ST14: variants seen among roughly 807,000 people sequenced by gnomAD.
ST14 encodes the protein ST14 transmembrane serine protease matriptase, also known as suppressor of tumorigenicity 14 protein.
ST14 carries 40 observed loss-of-function variants against 96.5 expected under a neutral mutation model. The observed-to-expected ratio is 0.41, with a 90% CI of 0.32 to 0.54. The LOEUF (loss-of-function observed/expected upper bound fraction) is 0.54. Ranked by LOEUF, ST14 falls within the 20% of genes least tolerant of loss-of-function variation. The pLI, the probability that ST14 is intolerant of heterozygous loss-of-function variation, is 0.17. For missense variants in ST14, 1,066 were observed against 1,188.9 expected, an observed-to-expected ratio of 0.90 and a Z score of 1.52; for synonymous variants, 506 against 492.1, an observed-to-expected ratio of 1.03 and a Z score of -0.37.
At chr11:130,168,402 G>T (rs1337497841) in intron 1 of ST14, among the ~76,000 whole-genome samples, 1 of 152,194 alleles carries the variant, frequency 6.6e-6, no homozygotes, top group Admixed American at 6.5e-5. Context: ...TGTTTAGCCA[G>T]AGGAGGTGCA....
At chr11:130,192,398 T>C (rs1490080942) in intron 7 of ST14, among the ~76,000 whole-genome samples, 2 of 152,220 alleles carry the variant, frequency 1.3e-5, no homozygotes, top group African/African-American at 2.4e-5. Context: ...CTGTTAATTC[T>C]TTTTCTTTGA....
chr11:130,172,686 G>A lies in ST14; in HGVS notation c.81+12626G>A, dbSNP rs1953103778. ...CCCGCCTCAGCCTCCCAAAGTGCTG[G>A]GACTACAGGCGTGAACCACCGCGCC... On this transcript the variant is annotated intron_variant, in intron 1 of 18. Coordinates refer to ENST00000278742, the MANE Select transcript of ST14 (RefSeq NM_021978.4). 2.0e-5 allele frequency among the ~76,000 whole-genome samples: 3 copies of A among 152,016 alleles called. No individual in the cohort carries two copies. In the South Asian group the frequency reaches 6.2e-4, roughly 32 times the overall value.
intron 16 of ST14, among the ~76,000 whole-genome samples, chr11:130,203,012 G>A (rs1326861519): frequency 6.6e-6 from 1 of 152,196 alleles, no homozygotes; most frequent in Admixed American, 6.5e-5. Flanking sequence ...GCTGGTAGAC[G>A]TGCATGCCTT....
chr11:130,172,858 G>A (rs1008452451), intron 1 of ST14, among the ~76,000 whole-genome samples: 3 of 152,184 alleles, frequency 2.0e-5, no homozygotes, highest in Non-Finnish European at 2.9e-5. Context: ...AACATAAGAT[G>A]AGGTCTTTTT....
chr11:130,202,009 C>G (rs1953434108), intron 16 of ST14, among the ~76,000 whole-genome samples: 1 of 152,216 alleles, frequency 6.6e-6, no homozygotes, highest in Admixed American at 6.5e-5. Flanking sequence ...CAGCCCAGCC[C>G]TAGGACCAGC....
In ST14 at chr11:130,188,827, A is replaced by G. The variant is rs1953265161; in HGVS notation, c.370-42A>G. On this transcript the variant is annotated intron_variant, in intron 3 of 18. Transcript: ENST00000278742. The surrounding 1 kb of genome is among the most constrained non-coding windows in gnomAD (Gnocchi z 5.4). ...AGCAGCCCGGGCTTGGGGCAGGGTC[A>G]TCGCCGCATGGGGCTCACCTTGAGT... 6.2e-7 allele frequency: 1 copy of G among 1,607,330 alleles called. No homozygotes were observed. The highest frequency in any genetic ancestry group is 1.3e-5 in the African/African-American group (1 of 75,026).
At chr11:130,182,539 G>T (rs892113256) in intron 1 of ST14, among the ~76,000 whole-genome samples, 9 of 152,136 alleles carry the variant, frequency 5.9e-5, no homozygotes, top group Non-Finnish European at 1.3e-4. Context: ...TTTGAATTGG[G>T]TTTAGCCGTG....
chr11:130,160,916 A>C (rs1952994138), intron 1 of ST14, among the ~76,000 whole-genome samples: 1 of 152,178 alleles, frequency 6.6e-6, no homozygotes, highest in South Asian at 2.1e-4. Flanking sequence ...ATACCAGGTC[A>C]GGGCGGCGCT....
chr11:130,180,245 C>T (rs1353797923), intron 1 of ST14, among the ~76,000 whole-genome samples: 1 of 152,188 alleles, frequency 6.6e-6, no homozygotes, highest in Admixed American at 6.5e-5. Context: ...GATCTTCAGC[C>T]TCAGAAGCAG....
intron 1 of ST14, among the ~76,000 whole-genome samples, chr11:130,176,202 A>G (rs1953135963): frequency 6.6e-6 from 1 of 151,952 alleles, no homozygotes; most frequent in Non-Finnish European, 1.5e-5. Flanking sequence ...TGTCCTGAGG[A>G]CTGTGATTCT....
chr11:130,192,042 G>A (rs1043797816), intron 7 of ST14, among the ~76,000 whole-genome samples: 3 of 152,170 alleles, frequency 2.0e-5, no homozygotes, highest in Non-Finnish European at 2.9e-5. Context: ...GGAAAGGCGT[G>A]GTTAATGCAC....
rs1953277486 is a variant in ST14 at position 130,189,899 on chromosome 11, G to A, written c.598+3G>A. 24 of 1,613,596 alleles carry A rather than the reference G, an allele frequency of 1.5e-5. No homozygotes were observed. The highest frequency in any genetic ancestry group is 2.0e-5 in the Non-Finnish European group (24 of 1,179,926). On this transcript the variant is annotated splice_donor_region_variant and intron_variant, in intron 5 of 18. Coordinates refer to ENST00000278742, the MANE Select transcript of ST14 (RefSeq NM_021978.4). ...GGTCACCTCAGTGGTGGCTTTCCGTGAGTCCGAGGGCCAGGGGTGGGCGTG... is the reference window on the plus strand; with the variant it reads ...GGTCACCTCAGTGGTGGCTTTCCGTAAGTCCGAGGGCCAGGGGTGGGCGTG...
At chr11:130,190,948 C>G (rs1384109709) in intron 7 of ST14, among the ~76,000 whole-genome samples, 1 of 152,252 alleles carries the variant, frequency 6.6e-6, no homozygotes, top group Non-Finnish European at 1.5e-5. Context: ...GCCTGTGCGG[C>G]CTGTGCCCTG....
rs1952985537 is a variant in ST14, at chr11:130,159,905, C to T, written c.-75C>T. The T allele has an allele frequency of 2.1e-6, 2 of 956,316 alleles. No individual in the cohort carries two copies. The highest frequency in any genetic ancestry group is 5.2e-5 in the South Asian group (1 of 19,308). 59.2% of individuals were successfully genotyped at this position (956,316 alleles called of 1,614,324 possible). A position where few individuals can be genotyped will look rare whatever the true frequency, so the allele number is the denominator to read the frequency against. ...ATCCCGCCGCCTGCGCCCCGCGCCC[C>T]GCGCCCTGCGGGCCATGGGAGCCGG... On this transcript the variant is annotated 5_prime_UTR_variant, in exon 1 of 19. Transcript: ENST00000278742.
intron 1 of ST14, among the ~76,000 whole-genome samples, chr11:130,167,578 C>T (rs1293397752): frequency 2.0e-5 from 3 of 152,132 alleles, no homozygotes; most frequent in Non-Finnish European, 4.4e-5. Flanking sequence ...AGATATCATA[C>T]CTCATGCTAG....
At chr11:130,164,423 GTT>G (rs559501197) in intron 1 of ST14, among the ~76,000 whole-genome samples, 10 of 137,404 alleles carry the variant, frequency 7.3e-5, no homozygotes, top group African/African-American at 5.3e-5. Context: ...TGTTATTACT[GTT>G]TTTTTTTTTT....
chr11:130,165,269 A>G (rs1953032363), intron 1 of ST14, among the ~76,000 whole-genome samples: 1 of 152,218 alleles, frequency 6.6e-6, no homozygotes, highest in Admixed American at 6.5e-5. Flanking sequence ...TTGGGTAAGA[A>G]ACTGGATTTC....
At chr11:130,169,529 T>C (rs1934216775) in intron 1 of ST14, among the ~76,000 whole-genome samples, 2 of 152,132 alleles carry the variant, frequency 1.3e-5, no homozygotes, top group Admixed American at 1.3e-4. Flanking sequence ...GTGTTGGAGC[T>C]GTTCAGAATG....
At chr11:130,194,512 T>C in intron 8 of ST14, 128 bp from the exon 9 acceptor site, 1 of 1,167,988 alleles carries the variant, frequency 8.6e-7, no homozygotes, top group East Asian at 2.5e-5. Context: ...CCTTCCTGGC[T>C]GTGCACCTGC....
Sources: gnomAD v4.1 joint callset for allele counts (sites outside exome capture counted in the v4.1 genomes callset) on GRCh38, gnomAD v4.1.1 for gene constraint, Gnocchi (gnomAD v3.1) non-coding constraint, MANE v1.5 for transcripts, NCBI Gene and HGNC (gene_info 2026-07-23, HGNC 2026-07-21) for gene names.